The following GRIN2A variants were observed in gnomAD, a reference collection of about 807,000 sequenced individuals.
GRIN2A encodes the protein glutamate receptor ionotropic, NMDA 2A.
GRIN2A carries 22 observed loss-of-function variants against 113.4 expected under a neutral mutation model. That is an observed-to-expected ratio of 0.19 (90% CI 0.14 to 0.28). The LOEUF (loss-of-function observed/expected upper bound fraction) is 0.28, where lower values mean the gene tolerates loss of function less well. GRIN2A is among the 10% of genes least tolerant of loss of function. The pLI, the probability that GRIN2A is intolerant of heterozygous loss-of-function variation, is 1.00. For synonymous variants in GRIN2A, 827 were observed against 738.4 expected, an observed-to-expected ratio of 1.12 and a Z score of -1.94; for missense variants, 1,502 against 1,887.0, an observed-to-expected ratio of 0.80 and a Z score of 3.78.
intron 2 of GRIN2A, among the ~76,000 whole-genome samples, chr16:10,028,488 G>C (rs1203998573): frequency 6.6e-6 from 1 of 152,170 alleles, no homozygotes; most frequent in Non-Finnish European, 1.5e-5. Flanking sequence ...CAGAGTTTTG[G>C]AGAGATAGGA....
At chr16:9,768,718 C>T (rs1006947732) in intron 12 of GRIN2A, 133 bp downstream of exon 12, 4 of 773,868 alleles carry the variant, frequency 5.2e-6, no homozygotes, top group African/African-American at 5.1e-5. Flanking sequence ...TGCACAAAAT[C>T]TGGATGCTCT....
At chr16:9,924,564 A>G (rs2044420480) in intron 3 of GRIN2A, among the ~76,000 whole-genome samples, 1 of 152,184 alleles carries the variant, frequency 6.6e-6, no homozygotes. Flanking sequence ...TCAGGATTTA[A>G]GTTTTTTGAA....
At chr16:9,823,527 C>A (rs1357108628) in intron 9 of GRIN2A, among the ~76,000 whole-genome samples, 2 of 152,120 alleles carry the variant, frequency 1.3e-5, no homozygotes, top group Admixed American at 6.5e-5. Flanking sequence ...GAAAAAGGAA[C>A]CTGAACCTCA....
At chr16:10,085,594 G>A (rs1461003722) in intron 2 of GRIN2A, among the ~76,000 whole-genome samples, 1 of 152,172 alleles carries the variant, frequency 6.6e-6, no homozygotes, top group Non-Finnish European at 1.5e-5. Context: ...AAGGAATGTT[G>A]CTTGGTTGGC....
chr16:9,832,119 T>C (rs1049291983), intron 8 of GRIN2A, among the ~76,000 whole-genome samples: 10 of 149,774 alleles, frequency 6.7e-5, no homozygotes, highest in African/African-American at 2.5e-4. Context: ...TATTTATTTA[T>C]TTATTTATTT....
chr16:9,975,440 C>G (rs973121444), intron 2 of GRIN2A, among the ~76,000 whole-genome samples: 2 of 152,168 alleles, frequency 1.3e-5, no homozygotes, highest in African/African-American at 4.8e-5. Context: ...AGAAGATCTT[C>G]ATTCACCATT....
At chr16:9,855,857 T>A (rs554850817) in intron 4 of GRIN2A, among the ~76,000 whole-genome samples, 1 of 152,294 alleles carries the variant, frequency 6.6e-6, no homozygotes, top group Admixed American at 6.5e-5. Flanking sequence ...AAGAACATGG[T>A]CAATAGAGCC....
At chr16:10,032,744 G>A (rs910595315) in intron 2 of GRIN2A, among the ~76,000 whole-genome samples, 16 of 152,124 alleles carry the variant, frequency 1.1e-4, no homozygotes, top group Non-Finnish European at 1.2e-4. Context: ...CAACAGTGGT[G>A]GAACACACAC....
At chr16:9,967,702 T>A (rs906219139) in intron 2 of GRIN2A, among the ~76,000 whole-genome samples, 4 of 151,560 alleles carry the variant, frequency 2.6e-5, no homozygotes, top group Non-Finnish European at 5.9e-5. Flanking sequence ...CGAGACTCCA[T>A]CTCAAAAAAA....
At chr16:9,801,952 C>T (rs1903388448) in intron 10 of GRIN2A, among the ~76,000 whole-genome samples, 1 of 152,222 alleles carries the variant, frequency 6.6e-6, no homozygotes, top group South Asian at 2.1e-4. Context: ...CTACAGACAA[C>T]TGCGTGTTTA....
chr16:9,759,364 G>A lies in GRIN2A; in HGVS notation c.*3785C>T, dbSNP rs141500728. 9.4e-4 allele frequency: 210 copies of A among 224,420 alleles called. No individual in the cohort carries two copies. Among genetic ancestry groups the A allele is most frequent in the African/African-American group, 4.4e-3 (198 of 44,936 alleles). 13.9% of individuals were successfully genotyped at this position (224,420 alleles called of 1,614,324 possible). On this transcript the variant is annotated 3_prime_UTR_variant, in exon 13 of 13. Transcript: ENST00000330684. The stretch of plus-strand genomic sequence containing the variant: ...CAGGGCATTTGTCATTTCCTGTGAA[G>A]GATGCAGAATATTAAATACACATCA...
At chr16:9,970,859 G>A (rs1010066566) in intron 2 of GRIN2A, 3 of 201,618 alleles carry the variant, frequency 1.5e-5, no homozygotes, top group Admixed American at 6.5e-5. Context: ...TAGATTTTAT[G>A]ATTTCAGAAC....
At chr16:9,864,407 A>G (rs1191088111) in intron 4 of GRIN2A, among the ~76,000 whole-genome samples, 1 of 151,530 alleles carries the variant, frequency 6.6e-6, no homozygotes, top group African/African-American at 2.4e-5. Flanking sequence ...GACTATAGAT[A>G]TGACTTCTCT....
At chr16:9,866,767 T>C (rs1488048050) in intron 4 of GRIN2A, among the ~76,000 whole-genome samples, 1 of 152,178 alleles carries the variant, frequency 6.6e-6, no homozygotes, top group Non-Finnish European at 1.5e-5. Context: ...TGACCATCTC[T>C]CCACTGACCA....
chr16:9,960,131 G>A (rs1362869738), intron 2 of GRIN2A, among the ~76,000 whole-genome samples: 1 of 152,044 alleles, frequency 6.6e-6, no homozygotes, highest in Non-Finnish European at 1.5e-5. Context: ...AGTAAAAAAG[G>A]AAAAAAATGA....
intron 2 of GRIN2A, among the ~76,000 whole-genome samples, chr16:10,135,952 TG>T (rs891741120): frequency 1.3e-5 from 2 of 152,168 alleles, no homozygotes; most frequent in African/African-American, 4.8e-5. Context: ...AACTGACAGT[TG>T]TTGCATTCAT....
intron 2 of GRIN2A, among the ~76,000 whole-genome samples, chr16:10,027,893 C>A (rs557172689): frequency 1.1e-3 from 175 of 152,314 alleles, no homozygotes; most frequent in African/African-American, 3.8e-3. Flanking sequence ...GTCTTTTGGG[C>A]AGAGTTCCCT....
At chr16:9,900,015 T>C (rs16966666) in intron 3 of GRIN2A, among the ~76,000 whole-genome samples, 3,280 of 152,258 alleles carry the variant, frequency 0.022, 123 homozygotes, top group African/African-American at 0.075. Context: ...TGGGTAATTA[T>C]AGGGATCACA....
At chr16:9,806,152 AC>A (rs1305157607) in intron 10 of GRIN2A, among the ~76,000 whole-genome samples, 1 of 152,174 alleles carries the variant, frequency 6.6e-6, no homozygotes, top group Non-Finnish European at 1.5e-5. Context: ...AAACATTTTT[AC>A]TGGGGTCAAT....
Sources: gnomAD v4.1 joint callset for allele counts (sites outside exome capture counted in the v4.1 genomes callset) on GRCh38, gnomAD v4.1.1 for gene constraint, MANE v1.5 for transcripts, NCBI Gene and HGNC (gene_info 2026-07-23, HGNC 2026-07-21) for gene names.